TMEFF2: variants seen among roughly 807,000 people sequenced by gnomAD.
TMEFF2 encodes tomoregulin-2.
A neutral mutation model predicts 53.8 loss-of-function variants in TMEFF2; 28 were observed. That is an observed-to-expected ratio of 0.52 (90% CI 0.39 to 0.71). TMEFF2 has a LOEUF of 0.71. Among genes scored for constraint, TMEFF2 ranks in the 30% least tolerant of loss-of-function variants. TMEFF2 has a pLI of 0.00. For synonymous variants in TMEFF2, 162 were observed against 166.3 expected, an observed-to-expected ratio of 0.97 and a Z score of 0.20; for missense variants, 353 against 455.2, an observed-to-expected ratio of 0.78 and a Z score of 2.04.
intron 5 of TMEFF2, among the ~76,000 whole-genome samples, chr2:192,008,460 A>G (rs1460554757): frequency 5.9e-5 from 9 of 152,162 alleles, no homozygotes; most frequent in African/African-American, 2.2e-4. Flanking sequence ...ATTCTTCCTC[A>G]TGTACGTTTT....
At chr2:192,076,429 C>T (rs570329228) in intron 4 of TMEFF2, among the ~76,000 whole-genome samples, 7 of 152,094 alleles carry the variant, frequency 4.6e-5, no homozygotes, top group East Asian at 3.9e-4. Context: ...ATGAGAGAAT[C>T]GAAGTAAAAC....
chr2:191,994,289 C>A (rs999297662), intron 7 of TMEFF2, among the ~76,000 whole-genome samples: 4 of 151,668 alleles, frequency 2.6e-5, no homozygotes, highest in African/African-American at 9.7e-5. Flanking sequence ...TAAAACACTC[C>A]AAACTCTGAA....
Position 191,964,398 on chromosome 2 carries a change from CTCTTTCTTTCTTTCTTTCTT to C in TMEFF2, c.746-8040_746-8021del, listed in dbSNP as rs58502767. On this transcript the variant is annotated intron_variant, in intron 7 of 9. Coordinates refer to ENST00000272771, the MANE Select transcript of TMEFF2 (RefSeq NM_016192.4). ...TCTTTCTTTCTTTCTTTCTTTCTTT[CTCTTTCTTTCTTTCTTTCTT>C]TCTTTCTTTCTTTCTTTCTGCCTTT... is the stretch of plus-strand genomic sequence containing the variant. 6.2e-4 allele frequency among the ~76,000 whole-genome samples: 32 copies of C among 51,778 alleles called. 1 individual carries two copies. Among genetic ancestry groups the C allele is most frequent in the African/African-American group, 2.3e-3 (32 of 14,118 alleles). 34.0% of individuals were successfully genotyped at this position (51,778 alleles called of 152,430 possible).
chr2:192,173,135 A>C (rs1423820578), intron 4 of TMEFF2, among the ~76,000 whole-genome samples: 2 of 151,888 alleles, frequency 1.3e-5, no homozygotes, highest in East Asian at 3.9e-4. Flanking sequence ...AACTAAAAGA[A>C]TACAATAGGA....
chr2:191,995,908 A>G (rs1335374100), intron 7 of TMEFF2, among the ~76,000 whole-genome samples: 1 of 151,942 alleles, frequency 6.6e-6, no homozygotes, highest in Admixed American at 6.6e-5. Context: ...TTTGCAGGAT[A>G]AATCTGACAC....
chr2:192,100,812 A>T (rs1055138320), intron 4 of TMEFF2, among the ~76,000 whole-genome samples: 6 of 152,238 alleles, frequency 3.9e-5, no homozygotes, highest in African/African-American at 1.4e-4. Context: ...TGCAGATTAT[A>T]TATTATAGTT....
chr2:192,093,428 CTCTT>C lies in TMEFF2; in HGVS notation c.440-35657_440-35654del, dbSNP rs1322238689. Among the ~76,000 whole-genome samples, 10 of 152,110 alleles carry C rather than the reference CTCTT, an allele frequency of 6.6e-5. No homozygotes were observed. In the East Asian group the frequency reaches 1.7e-3, roughly 26 times the overall value. ...AGAGCGTTCATTTGGGACTCCCAGA[CTCTT>C]TCTTGTTTCAATAATATCCCATCTC... On this transcript the variant is annotated intron_variant, in intron 4 of 9. Transcript: ENST00000272771.
intron 5 of TMEFF2, among the ~76,000 whole-genome samples, chr2:192,014,475 A>G (rs1469807728): frequency 2.0e-5 from 3 of 152,172 alleles, no homozygotes; most frequent in Admixed American, 2.0e-4. Context: ...TTTTCTTTCA[A>G]TGGTTAGTTA....
At position 191,964,398 on chromosome 2, in the gene TMEFF2, C is replaced by CTTTCTTTCTTTCTTTCTTTCTT. The variant is rs200251020; in HGVS notation, c.746-8021_746-8020insAAGAAAGAAAGAAAGAAAGAAA. On this transcript the variant is annotated intron_variant, in intron 7 of 9. Coordinates refer to ENST00000272771, the MANE Select transcript of TMEFF2 (RefSeq NM_016192.4). ...TCTTTCTTTCTTTCTTTCTTTCTTT[C>CTTTCTTTCTTTCTTTCTTTCTT]TCTTTCTTTCTTTCTTTCTTTCTTT... 1.5e-3 allele frequency among the ~76,000 whole-genome samples: 76 copies of CTTTCTTTCTTTCTTTCTTTCTT among 51,728 alleles called. 5 individuals carry two copies. The highest frequency in any genetic ancestry group is 4.4e-3 in the East Asian group (5 of 1,134). 33.9% of individuals were successfully genotyped at this position (51,728 alleles called of 152,430 possible).
intron 4 of TMEFF2, among the ~76,000 whole-genome samples, chr2:192,096,965 C>A (rs1688926142): frequency 6.6e-6 from 1 of 152,048 alleles, no homozygotes; most frequent in Admixed American, 6.6e-5. Context: ...CATGAGCCAC[C>A]AGGCCCGGCC....
At chr2:192,030,725 T>A (rs1035189422) in intron 5 of TMEFF2, 1 of 152,080 alleles carries the variant, frequency 6.6e-6, no homozygotes, top group Non-Finnish European at 1.5e-5. Context: ...GGGTCTGAAC[T>A]ACACTGGTGT....
chr2:191,989,864 A>G (rs1044069499), intron 7 of TMEFF2, among the ~76,000 whole-genome samples: 2 of 152,128 alleles, frequency 1.3e-5, no homozygotes, highest in Non-Finnish European at 2.9e-5. Context: ...ATTCCCTTCT[A>G]GCCTCAGATG....
At chr2:191,985,702 T>C (rs1574267149) in intron 7 of TMEFF2, among the ~76,000 whole-genome samples, 3 of 152,360 alleles carry the variant, frequency 2.0e-5, no homozygotes, top group Middle Eastern at 3.4e-3. Context: ...TATTCATTTG[T>C]TTCAATACTA....
intron 4 of TMEFF2, among the ~76,000 whole-genome samples, chr2:192,154,337 G>T (rs1018854918): frequency 2.0e-5 from 3 of 151,952 alleles, no homozygotes; most frequent in African/African-American, 7.2e-5. Flanking sequence ...GAGAGAGGAC[G>T]CTCTGATTGA....
intron 5 of TMEFF2, among the ~76,000 whole-genome samples, chr2:192,048,395 C>CACACACACACACAA (rs1260466382): frequency 6.6e-6 from 1 of 151,090 alleles, no homozygotes; most frequent in African/African-American, 2.4e-5. Flanking sequence ...CACACACACA[C>CACACACACACACAA]AGAAAATATA....
intron 4 of TMEFF2, among the ~76,000 whole-genome samples, chr2:192,144,285 T>C (rs1293191605): frequency 1.3e-5 from 2 of 152,092 alleles, no homozygotes; most frequent in African/African-American, 2.4e-5. Context: ...TAATGATTAG[T>C]ATGAAAGATT....
At chr2:192,177,534 C>T (rs1186784405) in intron 4 of TMEFF2, 1 of 150,994 alleles carries the variant, frequency 6.6e-6, no homozygotes, top group Admixed American at 6.6e-5. Context: ...AGCAAATACT[C>T]ATCACCACAA....
intron 4 of TMEFF2, among the ~76,000 whole-genome samples, chr2:192,072,585 T>TGAATAGAA (rs10627638): frequency 1.3e-5 from 2 of 151,862 alleles, no homozygotes; most frequent in South Asian, 4.1e-4. Context: ...TTAGATAAAA[T>TGAATAGAA]GAAGTTTTTT....
chr2:192,010,070 T>G (rs1686589003), intron 5 of TMEFF2, among the ~76,000 whole-genome samples: 1 of 152,228 alleles, frequency 6.6e-6, no homozygotes, highest in Non-Finnish European at 1.5e-5. Context: ...AATGTTTCTT[T>G]GTAAACAACT....
Sources: allele counts gnomAD v4.1 joint callset (sites outside exome capture counted in the v4.1 genomes callset), GRCh38; gene constraint gnomAD v4.1.1; transcripts MANE v1.5; gene names NCBI Gene and HGNC (gene_info 2026-07-23, HGNC 2026-07-21).